SPOCK1: variants seen among roughly 807,000 people sequenced by gnomAD.
SPOCK1 encodes testican-1.
SPOCK1 carries 23 observed loss-of-function variants against 55.3 expected under a neutral mutation model. The observed-to-expected ratio is 0.42, with a 90% CI of 0.30 to 0.59. The LOEUF (loss-of-function observed/expected upper bound fraction) is 0.59, where lower values mean the gene tolerates loss of function less well. Ranked by LOEUF, SPOCK1 falls within the 20% of genes least tolerant of loss-of-function variation. The pLI, the probability that SPOCK1 is intolerant of heterozygous loss-of-function variation, is 0.22. For missense variants in SPOCK1, 499 were observed against 552.5 expected, an observed-to-expected ratio of 0.90 and a Z score of 0.97; for synonymous variants, 226 against 221.0, an observed-to-expected ratio of 1.02 and a Z score of -0.20.
intron 2 of SPOCK1, among the ~76,000 whole-genome samples, chr5:137,488,829 G>T (rs914803333): frequency 6.6e-6 from 1 of 152,112 alleles, no homozygotes; most frequent in African/African-American, 2.4e-5. Flanking sequence ...AATGTTGACG[G>T]TGCCCTCTGG....
chr5:137,305,224 T>C (rs1757681770), intron 2 of SPOCK1, among the ~76,000 whole-genome samples: 1 of 152,220 alleles, frequency 6.6e-6, no homozygotes, highest in Non-Finnish European at 1.5e-5. Context: ...GCTTATCCCA[T>C]GATAAGCATC....
rs1182768154 is a variant in SPOCK1 at position 137,371,885 on chromosome 5, C to T, written c.187-104830G>A. Among the ~76,000 whole-genome samples the T allele has an allele frequency of 2.0e-5, 3 of 152,320 alleles. No homozygotes were observed. In the East Asian group the frequency reaches 5.8e-4, roughly 29 times the overall value. On this transcript the variant is annotated intron_variant, in intron 2 of 10. Transcript: ENST00000394945. ...GAAGAAGGAAGGGGCTGTTACTATC[C>T]TCAGGTGAGATCAGCACTATCCAAT...
In SPOCK1 at chr5:137,380,212, G is replaced by A. The variant is rs535366616; in HGVS notation, c.187-113157C>T. ...CACAGGCAGGAGTAGAGATGGTGGC[G>A]GCCGGGGGAAAGGTGATGTGACAGG... On this transcript the variant is annotated intron_variant, in intron 2 of 10. Transcript: ENST00000394945. Among the ~76,000 whole-genome samples the A allele has an allele frequency of 9.1e-4, 138 of 152,288 alleles. 1 individual carries two copies. Among genetic ancestry groups the A allele is most frequent in the Middle Eastern group, 3.4e-3 (1 of 294 alleles).
At chr5:137,042,264 C>T (rs992101207) in intron 6 of SPOCK1, among the ~76,000 whole-genome samples, 1 of 152,084 alleles carries the variant, frequency 6.6e-6, no homozygotes, top group Non-Finnish European at 1.5e-5. Flanking sequence ...AACTGTAGAG[C>T]AGGTAAACAG....
intron 2 of SPOCK1, among the ~76,000 whole-genome samples, chr5:137,299,829 TTC>T (rs1276120058): frequency 2.0e-5 from 3 of 152,194 alleles, no homozygotes; most frequent in African/African-American, 7.2e-5. Flanking sequence ...CTTTAAAACT[TTC>T]TCTTTCTTTT....
At chr5:137,332,938 G>T (rs1459826775) in intron 2 of SPOCK1, among the ~76,000 whole-genome samples, 1 of 152,142 alleles carries the variant, frequency 6.6e-6, no homozygotes, top group Non-Finnish European at 1.5e-5. Context: ...GGTTACCCAG[G>T]GAAAATGGAC....
intron 2 of SPOCK1, among the ~76,000 whole-genome samples, chr5:137,312,997 C>T (rs1368494096): frequency 6.6e-6 from 1 of 152,014 alleles, no homozygotes; most frequent in Non-Finnish European, 1.5e-5. Flanking sequence ...AACATGAATC[C>T]CAACCAGGAG....
At chr5:137,078,407 C>T (rs1752816846) in intron 5 of SPOCK1, among the ~76,000 whole-genome samples, 1 of 152,180 alleles carries the variant, frequency 6.6e-6, no homozygotes, top group Non-Finnish European at 1.5e-5. Flanking sequence ...GGGCAGTTTA[C>T]TCCACAGACA....
intron 2 of SPOCK1, among the ~76,000 whole-genome samples, chr5:137,316,324 G>A (rs890763204): frequency 6.6e-6 from 1 of 152,220 alleles, no homozygotes; most frequent in African/African-American, 2.4e-5. Context: ...GGGAAGTGAT[G>A]CATTCAAATC....
chr5:137,198,366 A>G (rs952328202), intron 3 of SPOCK1, among the ~76,000 whole-genome samples: 128 of 152,356 alleles, frequency 8.4e-4, no homozygotes, highest in African/African-American at 3.0e-3. Context: ...AAAATTCTCA[A>G]TATATGGCTA....
intron 3 of SPOCK1, among the ~76,000 whole-genome samples, chr5:137,171,823 G>A (rs13361324): frequency 2.6e-5 from 4 of 152,138 alleles, no homozygotes; most frequent in African/African-American, 7.2e-5. Context: ...TCATATCTGA[G>A]AGGGCAACAT....
chr5:137,038,808 T>C (rs537273138), intron 6 of SPOCK1, among the ~76,000 whole-genome samples: 2 of 152,208 alleles, frequency 1.3e-5, no homozygotes, highest in Non-Finnish European at 2.9e-5. Flanking sequence ...ATTAATGAAA[T>C]TTAATAAATT....
At chr5:137,284,723 C>T (rs1477902660) in intron 2 of SPOCK1, among the ~76,000 whole-genome samples, 1 of 152,152 alleles carries the variant, frequency 6.6e-6, no homozygotes, top group African/African-American at 2.4e-5. Flanking sequence ...TAGTCTCCCA[C>T]ACAAAATCTT....
intron 3 of SPOCK1, among the ~76,000 whole-genome samples, chr5:137,148,274 A>G (rs1754243767): frequency 6.6e-6 from 1 of 152,216 alleles, no homozygotes; most frequent in Non-Finnish European, 1.5e-5. Context: ...CCCTCTGCTC[A>G]CATGCAAAGC....
chr5:137,000,592 G>T (rs1329963649), intron 6 of SPOCK1, among the ~76,000 whole-genome samples: 1 of 152,202 alleles, frequency 6.6e-6, no homozygotes, highest in Non-Finnish European at 1.5e-5. Context: ...ACACCAAGGA[G>T]AGGATGCTAC....
rs186176439 is a variant in SPOCK1, at chr5:137,232,693, G to C, written c.232+34317C>G. Among the ~76,000 whole-genome samples the C allele has an allele frequency of 5.2e-3, 795 of 152,188 alleles. 8 individuals are homozygous for C. Among genetic ancestry groups the C allele is most frequent in the African/African-American group, 0.018 (752 of 41,532 alleles). ...CTGTGCCTTTCCATATAAATTTTCAGAATAACCTTATCCATGTTTACCAAA... is the reference window on the plus strand; with the variant it reads ...CTGTGCCTTTCCATATAAATTTTCACAATAACCTTATCCATGTTTACCAAA... On this transcript the variant is annotated intron_variant, in intron 3 of 10. Transcript: ENST00000394945.
intron 2 of SPOCK1, among the ~76,000 whole-genome samples, chr5:137,326,338 T>C (rs527827899): frequency 6.6e-6 from 1 of 152,204 alleles, no homozygotes; most frequent in East Asian, 1.9e-4. Flanking sequence ...AGGCATTCGA[T>C]TCTTAGGCTA....
chr5:137,066,987 C>CACACAGAGAGAGAGAG (rs1343691789), intron 6 of SPOCK1, among the ~76,000 whole-genome samples: 2 of 139,588 alleles, frequency 1.4e-5, no homozygotes, highest in African/African-American at 5.3e-5. Flanking sequence ...CACACACACA[C>CACACAGAGAGAGAGAG]AGAGAGAGAG....
rs141172962 is a variant in SPOCK1, at chr5:137,473,547, T to C, written c.186+24826A>G. 9.5e-4 allele frequency among the ~76,000 whole-genome samples: 144 copies of C among 152,326 alleles called. 3 individuals are homozygous for C. Among genetic ancestry groups the C allele is most frequent in the Middle Eastern group, 6.8e-3 (2 of 294 alleles). The stretch of plus-strand genomic sequence containing the variant: ...GGAGTAAAATTTCTATTCCTCTCTA[T>C]ATAGTTTTGATTTTGAACATAAATG... On this transcript the variant is annotated intron_variant, in intron 2 of 10. Coordinates refer to ENST00000394945, the MANE Select transcript of SPOCK1 (RefSeq NM_004598.4).
Sources: allele counts gnomAD v4.1 joint callset (sites outside exome capture counted in the v4.1 genomes callset), GRCh38; gene constraint gnomAD v4.1.1; transcripts MANE v1.5; gene names NCBI Gene and HGNC (gene_info 2026-07-23, HGNC 2026-07-21).